Variants in PHEX observed in about 807,000 individuals in gnomAD.
PHEX encodes the protein phosphate-regulating neutral endopeptidase PHEX.
PHEX carries 16 observed loss-of-function variants against 68.0 expected under a neutral mutation model. The observed-to-expected ratio is 0.24, with a 90% CI of 0.16 to 0.36. The LOEUF is 0.36. Ranked by LOEUF, PHEX falls within the 10% of genes least tolerant of loss-of-function variation. The pLI is 1.00. For missense variants in PHEX, 480 were observed against 575.5 expected (o/e 0.83, Z 1.70); for synonymous variants, 208 against 205.1 (o/e 1.01, Z -0.12).
At chrX:22,224,947 A>AATTATCATACAGCGCTGTATAATTT (rs1935401376) in intron 18 of PHEX, among the ~76,000 whole-genome samples, 1 of 23,251 alleles carries the variant, frequency 4.3e-5, no homozygotes, top group African/African-American at 1.7e-4. Flanking sequence ...AAATAACATA[A>AATTATCATACAGCGCTGTATAATTT]ATTATCATAC....
rs1275475212 is a variant in PHEX at position 22,249,449 on chromosome X, A to AT, written c.*1496_*1497insT. ...TGTGATTTGTGATTCTTTTAAAAAA[A>AT]AAAAAAATATATATATATATATATA... is the stretch of plus-strand genomic sequence containing the variant. On this transcript the variant is annotated 3_prime_UTR_variant, in exon 22 of 22. Transcript: ENST00000379374. 1 of 28,987 alleles carries AT rather than the reference A, an allele frequency of 3.4e-5. No individual in the cohort carries two copies. The highest frequency in any genetic ancestry group is 2.1e-4 in the African/African-American group (1 of 4,864). The allele number at this position is 28,987 out of a possible 1,213,427, so 2.4% of individuals were successfully genotyped here.
chrX:22,092,737 T>TTTTC (rs1440912490), intron 6 of PHEX, among the ~76,000 whole-genome samples: 4 of 90,235 alleles, frequency 4.4e-5, no homozygotes, highest in African/African-American at 1.6e-4. Context: ...ACTTCTTTTC[T>TTTTC]TTTCTTTCTT....
intron 12 of PHEX, among the ~76,000 whole-genome samples, chrX:22,137,738 C>G (rs1458916576): frequency 9.0e-6 from 1 of 111,657 alleles, no homozygotes; most frequent in Non-Finnish European, 1.9e-5. Flanking sequence ...TGTGTTTTAC[C>G]TGGTGATTCT....
chrX:22,129,536 A>G (rs780783138), intron 11 of PHEX, among the ~76,000 whole-genome samples: 6 of 111,091 alleles, frequency 5.4e-5, no homozygotes, highest in Non-Finnish European at 1.1e-4. Flanking sequence ...TTCTACATCT[A>G]ATCTTTAGAT....
intron 3 of PHEX, among the ~76,000 whole-genome samples, chrX:22,073,985 G>A (rs760946141): frequency 1.3e-4 from 14 of 111,113 alleles, no homozygotes; most frequent in Non-Finnish European, 2.5e-4. Flanking sequence ...AAGGTGGTAA[G>A]AAATACCTGG....
chrX:22,169,837 C>T (rs897788448), intron 13 of PHEX: 19 of 112,603 alleles, frequency 1.7e-4, no homozygotes, highest in Non-Finnish European at 3.0e-4. Flanking sequence ...CGGTTAGCCT[C>T]CCTTTGGTTA....
intron 11 of PHEX, among the ~76,000 whole-genome samples, chrX:22,115,053 C>T (rs993925960): frequency 9.0e-6 from 1 of 111,548 alleles, no homozygotes; most frequent in Non-Finnish European, 1.9e-5. Flanking sequence ...TACGGCCGGG[C>T]GCAGTGGCTC....
At chrX:22,225,614 A>G (rs1935466800) in intron 18 of PHEX, among the ~76,000 whole-genome samples, 2 of 112,396 alleles carry the variant, frequency 1.8e-5, no homozygotes, top group African/African-American at 6.5e-5. Flanking sequence ...CTGTGTCCCA[A>G]TAAAACTTGA....
intron 18 of PHEX, among the ~76,000 whole-genome samples, chrX:22,224,792 T>A (rs1471809430): frequency 9.2e-6 from 1 of 108,814 alleles, no homozygotes; most frequent in Non-Finnish European, 1.9e-5. Context: ...GATTTGTTTT[T>A]ATTCATTGAT....
chrX:22,141,099 G>A (rs929710419), intron 12 of PHEX, among the ~76,000 whole-genome samples: 1 of 110,487 alleles, frequency 9.1e-6, no homozygotes, highest in Non-Finnish European at 1.9e-5. Context: ...CAGTCCAGAA[G>A]CATCGCCATC....
At chrX:22,234,454 T>A (rs1022650708) in intron 20 of PHEX, among the ~76,000 whole-genome samples, 1 of 110,861 alleles carries the variant, frequency 9.0e-6, no homozygotes, top group African/African-American at 3.3e-5. Context: ...CTTTTTTTTT[T>A]AGAGATGCCC....
intron 5 of PHEX, among the ~76,000 whole-genome samples, chrX:22,087,427 T>C (rs1348128789): frequency 9.0e-6 from 1 of 111,636 alleles, no homozygotes; most frequent in Non-Finnish European, 1.9e-5. Context: ...AATTTGAGGA[T>C]TTTAGCAGTA....
intron 12 of PHEX, among the ~76,000 whole-genome samples, chrX:22,161,135 CA>C (rs201162046): frequency 2.4e-3 from 243 of 103,276 alleles, no homozygotes; most frequent in Non-Finnish European, 3.4e-3. Flanking sequence ...GGCTCCACCT[CA>C]AAAAAAAAAA....
chrX:22,133,371 A>C, intron 11 of PHEX, 152 bp from the exon 12 acceptor site: 1 of 482,030 alleles, frequency 2.1e-6, no homozygotes, highest in Non-Finnish European at 3.7e-6. Flanking sequence ...CTGGAAAAAG[A>C]AGTGTTGCCA....
chrX:22,066,711 A>G (rs1239137242), intron 3 of PHEX, among the ~76,000 whole-genome samples: 1 of 111,965 alleles, frequency 8.9e-6, no homozygotes, highest in African/African-American at 3.2e-5. Flanking sequence ...CCTCGACCAC[A>G]CATTGTGGTT....
At chrX:22,053,977 A>G (rs887107153) in intron 3 of PHEX, among the ~76,000 whole-genome samples, 14 of 111,310 alleles carry the variant, frequency 1.3e-4, no homozygotes, top group Non-Finnish European at 2.1e-4. Flanking sequence ...TAGCCAAATC[A>G]TCTTTTGCAG....
intron 12 of PHEX, among the ~76,000 whole-genome samples, chrX:22,155,771 C>T (rs1214573506): frequency 9.0e-5 from 10 of 111,275 alleles, no homozygotes; most frequent in Admixed American, 3.8e-4. Context: ...TGAAACTTTC[C>T]GAAAAGATTA....
At chrX:22,219,144 A>C in intron 17 of PHEX, 41 bp downstream of exon 17, 9 of 829,015 alleles carry the variant, frequency 1.1e-5, no homozygotes, top group Non-Finnish European at 1.6e-5. Context: ...CTTTTATAAT[A>C]ATGTTGACTA....
chrX:22,235,744 TTAGTTATCATATATAGG>T (rs763774402), intron 20 of PHEX, among the ~76,000 whole-genome samples: 1 of 110,440 alleles, frequency 9.1e-6, no homozygotes, highest in South Asian at 3.8e-4. Context: ...TCATATATAG[TTAGTTATCATATATAGG>T]CATAATCTTA....
Sources: allele counts gnomAD v4.1 joint callset (sites outside exome capture counted in the v4.1 genomes callset), GRCh38; gene constraint gnomAD v4.1.1; transcripts MANE v1.5; gene names NCBI Gene and HGNC (gene_info 2026-07-23, HGNC 2026-07-21).